GRIP2: variants seen among roughly 807,000 people sequenced by gnomAD.
GRIP2 encodes the protein glutamate receptor-interacting protein 2.
In GRIP2, 58 loss-of-function variants were observed where a neutral mutation model predicts 108.3. The observed-to-expected ratio is 0.54, with a 90% CI of 0.43 to 0.67. GRIP2 has a LOEUF of 0.67. Ranked by LOEUF, GRIP2 falls within the 30% of genes least tolerant of loss-of-function variation. GRIP2 has a pLI of 0.00. For synonymous variants in GRIP2, 586 were observed against 598.2 expected (o/e 0.98, Z 0.30); for missense variants, 1,278 against 1,430.6 (o/e 0.89, Z 1.72).
At chr3:14,516,963 C>T in intron 11 of GRIP2, 101 bp downstream of exon 11, 1 of 1,194,418 alleles carries the variant, frequency 8.4e-7, no homozygotes, top group African/African-American at 1.6e-5. Context: ...ACCTGGAGCT[C>T]TGCCCAAAAT....
chr3:14,591,340 T>C, the GRIP2 span, among the ~76,000 whole-genome samples: 3 of 152,254 alleles, frequency 2.0e-5, no homozygotes, highest in African/African-American at 4.8e-5. Context: ...AGAAGCTGCC[T>C]GAGGACACAG....
intron 3 of GRIP2, 107 bp from the exon 4 acceptor site, chr3:14,524,645 T>G (rs1365666999): frequency 7.9e-7 from 1 of 1,269,628 alleles, no homozygotes; most frequent in Non-Finnish European, 1.1e-6. Flanking sequence ...GGATCCTCAT[T>G]TCACAAATGG....
rs1270858138 is a variant in GRIP2 at position 14,496,442 on chromosome 3, A to C, written c.2798T>G (p.Leu933Arg). The change falls in exon 22 of 24, where the codon CTG (leucine) becomes CGG (arginine). Residue 933 changes from leucine to arginine, a missense_variant. Coordinates refer to ENST00000621039, the MANE Select transcript of GRIP2 (RefSeq NM_001080423.4). The stretch of plus-strand genomic sequence containing the variant: ...CTTGTGCATCTCCAAGGGTGTAGGC[A>C]GCAACAGCTCCTCCATTTCTGCAGG... ...ASPAEMEELL[L>R]PTPLEMHKVT... 6 of 1,612,482 alleles carry C rather than the reference A, an allele frequency of 3.7e-6. No homozygotes were observed. The highest frequency in any genetic ancestry group is 2.7e-5 in the African/African-American group (2 of 74,922).
At chr3:14,552,752 A>T (rs1243736408) in intron 1 of GRIP2, among the ~76,000 whole-genome samples, 1 of 150,850 alleles carries the variant, frequency 6.6e-6, no homozygotes, top group Non-Finnish European at 1.5e-5. Context: ...GCCACCACAC[A>T]TGGCTAATTT....
At chr3:14,601,279 TGA>T in the GRIP2 span, among the ~76,000 whole-genome samples, 1 of 152,254 alleles carries the variant, frequency 6.6e-6, no homozygotes, top group Admixed American at 6.5e-5. Context: ...AAAGTGAGCC[TGA>T]GAGAGGCTTG....
At chr3:14,573,342 A>G in the GRIP2 span, 1 of 1,376,310 alleles carries the variant, frequency 7.3e-7, no homozygotes, top group East Asian at 2.3e-5. Context: ...GATGATGGCT[A>G]TGTGGTGCCA....
At chr3:14,594,076 G>A in the GRIP2 span, among the ~76,000 whole-genome samples, 2 of 152,126 alleles carry the variant, frequency 1.3e-5, no homozygotes, top group Non-Finnish European at 2.9e-5. Flanking sequence ...CCTTTTGGGG[G>A]CCTAGACCTG....
rs1694933493 is a variant in GRIP2, at chr3:14,540,248, C to T, written c.40+21G>A. 6.2e-7 allele frequency: 1 copy of T among 1,612,780 alleles called. No individual in the cohort carries two copies. The stretch of plus-strand genomic sequence containing the variant: ...ATGTGTTCAGCCCCATCACTCTGCC[C>T]ACAGACCCCCCATTACGTACCCGCC... On this transcript the variant is annotated intron_variant, in intron 1 of 23. Transcript: ENST00000621039. The surrounding 1 kb of genome is among the most constrained non-coding windows in gnomAD (Gnocchi z 4.1).
chr3:14,574,568 C>A, the GRIP2 span: 2 of 734,648 alleles, frequency 2.7e-6, no homozygotes, highest in Non-Finnish European at 5.1e-6. Context: ...CTGATGGGGA[C>A]TCAAAAACTT....
chr3:14,590,075 A>T, the GRIP2 span, among the ~76,000 whole-genome samples: 1 of 152,182 alleles, frequency 6.6e-6, no homozygotes, highest in Non-Finnish European at 1.5e-5. Context: ...TACAGGGGTG[A>T]GCCACCACAC....
At chr3:14,553,318 C>T (rs1476869838) in intron 1 of GRIP2, among the ~76,000 whole-genome samples, 2 of 151,586 alleles carry the variant, frequency 1.3e-5, no homozygotes, top group Non-Finnish European at 2.9e-5. Context: ...TATATGTTGG[C>T]CAGGCTGGTC....
intron 1 of GRIP2, among the ~76,000 whole-genome samples, chr3:14,550,601 C>T (rs2124978014): frequency 6.6e-6 from 1 of 152,352 alleles, no homozygotes; most frequent in East Asian, 1.9e-4. Context: ...TTGGGCAAAA[C>T]CGGCCTCAAT....
In GRIP2 at chr3:14,529,399, C is replaced by A. The variant is rs1358872303; in HGVS notation, c.41-3468G>T. On this transcript the variant is annotated intron_variant, in intron 1 of 23. Transcript: ENST00000621039. Reference sequence around the variant, plus strand: ...TTTAGCCCATTTATTTTTATCTATGCTGAAATATTTTAAAACAAATCCTGG... The same window carrying A: ...TTTAGCCCATTTATTTTTATCTATGATGAAATATTTTAAAACAAATCCTGG... Among the ~76,000 whole-genome samples, 4 of 151,940 alleles carry A rather than the reference C, an allele frequency of 2.6e-5. No homozygotes were observed. The East Asian group carries it at 5.8e-4, about 22-fold the overall frequency.
chr3:14,572,978 G>T, the GRIP2 span: 1 of 1,482,884 alleles, frequency 6.7e-7, no homozygotes, highest in Non-Finnish European at 9.4e-7. Context: ...CAGCCAGGAG[G>T]CCCAGGAAGA....
chr3:14,582,582 G>C, the GRIP2 span, among the ~76,000 whole-genome samples: 2 of 152,180 alleles, frequency 1.3e-5, no homozygotes, highest in Non-Finnish European at 2.9e-5. Flanking sequence ...TTCGTGTCCA[G>C]AGCCACTTCA....
At chr3:14,518,444 C>G (rs372540211) in intron 9 of GRIP2, among the ~76,000 whole-genome samples, 1 of 152,158 alleles carries the variant, frequency 6.6e-6, no homozygotes, top group Admixed American at 6.5e-5. Context: ...AAGTGCACCA[C>G]GGGCTGAGGC....
intron 5 of GRIP2, 157 bp from the exon 6 acceptor site, chr3:14,523,232 C>T (rs1179467316): frequency 1.8e-5 from 11 of 624,318 alleles, no homozygotes; most frequent in Admixed American, 6.3e-5. Context: ...ACAATAAATT[C>T]GCCCTCCCAA....
rs1575013050 is a variant in GRIP2 at position 14,521,517 on chromosome 3, T to C, written c.712+125A>G. The stretch of plus-strand genomic sequence containing the variant: ...CATACTATTTACTGCCCAGAGAAGC[T>C]GTGACTGGCCCAAGGTCATAAGGTC... On this transcript the variant is annotated intron_variant, in intron 7 of 23. Transcript: ENST00000621039. The surrounding 1 kb of genome is among the most constrained non-coding windows in gnomAD (Gnocchi z 5.1). 8.7e-6 allele frequency: 9 copies of C among 1,029,476 alleles called. No individual in the cohort carries two copies. In the East Asian group the frequency reaches 1.4e-4, roughly 16 times the overall value. 63.8% of individuals were successfully genotyped at this position (1,029,476 alleles called of 1,614,324 possible). A position where few individuals can be genotyped will look rare whatever the true frequency, so the allele number is the denominator to read the frequency against.
At chr3:14,518,885 G>T (rs1694330093) in intron 9 of GRIP2, among the ~76,000 whole-genome samples, 1 of 152,234 alleles carries the variant, frequency 6.6e-6, no homozygotes, top group Non-Finnish European at 1.5e-5. Context: ...GGGTAATGGG[G>T]AGGGTTAGAA....
Sources: allele counts gnomAD v4.1 joint callset (sites outside exome capture counted in the v4.1 genomes callset), GRCh38; gene constraint gnomAD v4.1.1; non-coding constraint Gnocchi (gnomAD v3.1); transcripts MANE v1.5; gene names NCBI Gene and HGNC (gene_info 2026-07-23, HGNC 2026-07-21).